Variants in BRD3 observed in about 807,000 individuals in gnomAD.
The protein encoded by BRD3 is bromodomain-containing protein 3.
In BRD3, 17 loss-of-function variants were observed where a neutral mutation model predicts 66.8. That is an observed-to-expected ratio of 0.25 (90% CI 0.17 to 0.38). The LOEUF is 0.38. BRD3 is among the 10% of genes least tolerant of loss of function. BRD3 has a pLI of 1.00. For missense variants in BRD3, 713 were observed against 956.1 expected, an observed-to-expected ratio of 0.75 and a Z score of 3.35; for synonymous variants, 421 against 393.2, an observed-to-expected ratio of 1.07 and a Z score of -0.84.
At chr9:134,066,794 A>T (rs1186134499) in intron 1 of BRD3, among the ~76,000 whole-genome samples, 2 of 152,212 alleles carry the variant, frequency 1.3e-5, no homozygotes, top group Admixed American at 6.5e-5. Context: ...GTTTAATGTA[A>T]GGGGGAGAAA....
chr9:134,050,731 T>G, intron 4 of BRD3, 143 bp from the exon 5 acceptor site: 2 of 672,986 alleles, frequency 3.0e-6, no homozygotes, highest in Non-Finnish European at 5.0e-6. Context: ...CATGCTGAGA[T>G]GCCCCCCATC....
In BRD3 at chr9:134,045,276, G is replaced by A. The variant is rs1320982867; in HGVS notation, c.1215+17C>T. The A allele has an allele frequency of 6.2e-7, 1 of 1,612,996 alleles. No individual in the cohort carries two copies. The highest frequency in any genetic ancestry group is 8.5e-7 in the Non-Finnish European group (1 of 1,179,858). On this transcript the variant is annotated intron_variant, in intron 7 of 11. Coordinates refer to ENST00000303407, the MANE Select transcript of BRD3 (RefSeq NM_007371.4). The surrounding 1 kb of genome is among the most constrained non-coding windows in gnomAD (Gnocchi z 4.8). The stretch of plus-strand genomic sequence containing the variant: ...CACTGAGCTGAGCAGCCCCACCCGT[G>A]CCCAGCCTCGGGTTACCTGGAGCTT...
intron 4 of BRD3, among the ~76,000 whole-genome samples, chr9:134,050,807 C>A (rs1349318227): frequency 6.6e-6 from 1 of 152,054 alleles, no homozygotes; most frequent in Non-Finnish European, 1.5e-5. Flanking sequence ...GAAGTGGAGG[C>A]CCCCCACCAC....
At position 134,032,407 on chromosome 9, in the gene BRD3, C is replaced by T. The variant is rs1447529279; in HGVS notation, c.*1183G>A. ...AATTAGAATGTGCTGTAGCTGAAAG[C>T]TGTCTATACCTGTAAGCCTCCAAGT... On this transcript the variant is annotated 3_prime_UTR_variant, in exon 12 of 12. Coordinates refer to ENST00000303407, the MANE Select transcript of BRD3 (RefSeq NM_007371.4). 5.2e-6 allele frequency: 1 copy of T among 192,342 alleles called. No homozygotes were observed. Among genetic ancestry groups the T allele is most frequent in the Admixed American group, 7.1e-5 (1 of 14,114 alleles). The allele number at this position is 192,342 out of a possible 1,614,324, so 11.9% of individuals were successfully genotyped here.
At chr9:134,038,369 T>C (rs755186473) in intron 9 of BRD3, among the ~76,000 whole-genome samples, 3 of 152,194 alleles carry the variant, frequency 2.0e-5, no homozygotes, top group Non-Finnish European at 2.9e-5. Context: ...TTGGCCCAAA[T>C]TTCTGGGATT....
intron 10 of BRD3, among the ~76,000 whole-genome samples, chr9:134,035,664 C>A (rs1001740104): frequency 6.6e-6 from 1 of 152,192 alleles, no homozygotes; most frequent in Non-Finnish European, 1.5e-5. Flanking sequence ...AGGGGAGCCT[C>A]AGGAAGGCAT....
intron 5 of BRD3, among the ~76,000 whole-genome samples, chr9:134,049,579 A>G (rs1252063597): frequency 1.3e-5 from 2 of 152,328 alleles, no homozygotes; most frequent in Non-Finnish European, 2.9e-5. Flanking sequence ...TGCTCCAGAA[A>G]CAGCCCCCAC....
In BRD3 at chr9:134,032,673, A is replaced by C. The variant is rs945683392; in HGVS notation, c.*917T>G. ...GGTTTTTTCTTATTTTCTTTTTTTT[A>C]AAAATGACCAATGATGTTAATAAAT... On this transcript the variant is annotated 3_prime_UTR_variant, in exon 12 of 12. Coordinates refer to ENST00000303407, the MANE Select transcript of BRD3 (RefSeq NM_007371.4). 2 of 225,922 alleles carry C rather than the reference A, an allele frequency of 8.9e-6. No homozygotes were observed. The highest frequency in any genetic ancestry group is 5.7e-5 in the Admixed American group (1 of 17,500). 14.0% of individuals were successfully genotyped at this position (225,922 alleles called of 1,614,324 possible). A position where few individuals can be genotyped will look rare whatever the true frequency, so the allele number is the denominator to read the frequency against.
chr9:134,063,976 G>A (rs747710695), intron 1 of BRD3, among the ~76,000 whole-genome samples: 3 of 152,134 alleles, frequency 2.0e-5, no homozygotes, highest in Non-Finnish European at 4.4e-5. Context: ...GGAGGGGGGC[G>A]GGGGCATGTT....
rs1187826518 is a variant in BRD3 at position 134,031,502 on chromosome 9, G to A, written c.*2088C>T. The A allele has an allele frequency of 1.5e-5, 3 of 198,154 alleles. No homozygotes were observed. Among genetic ancestry groups the A allele is most frequent in the African/African-American group, 2.3e-5 (1 of 42,598 alleles). The allele number at this position is 198,154 out of a possible 1,614,324, so 12.3% of individuals were successfully genotyped here. A position where few individuals can be genotyped will look rare whatever the true frequency, so the allele number is the denominator to read the frequency against. ...CTGTTTAGAAAATACCTTTGAAAACGAGGGTAACTTTAAAAAATGGAAACT... is the reference window on the plus strand; with the variant it reads ...CTGTTTAGAAAATACCTTTGAAAACAAGGGTAACTTTAAAAAATGGAAACT... On this transcript the variant is annotated 3_prime_UTR_variant, in exon 12 of 12. Coordinates refer to ENST00000303407, the MANE Select transcript of BRD3 (RefSeq NM_007371.4).
rs927632879 is a variant in BRD3 at position 134,051,585 on chromosome 9, G to A, written c.476C>T (p.Pro159Leu). The A allele has an allele frequency of 1.3e-5, 20 of 1,559,882 alleles. No homozygotes were observed. The highest frequency in any genetic ancestry group is 9.6e-5 in the East Asian group (4 of 41,672). ...PPAPKGKGRK[P>L]AAGAQSAGTQ... ...ACCTGCGCTCTGGGCTCCCGCAGCC[G>A]GCTTCCGACCTTTGCCCTTTGGAGC... Residue 159 changes from proline (P) to leucine (L), a missense_variant, in exon 4 of 12, where the codon CCG becomes CTG. Pro to Leu is a moderately conservative substitution (Grantham distance 98). This residue lies in a region of BRD3 where 120 missense variants were observed against 122.8 expected (regional missense o/e 0.98). Coordinates refer to ENST00000303407, the MANE Select transcript of BRD3 (RefSeq NM_007371.4).
In BRD3 at chr9:134,033,200, C is replaced by T. The variant is rs184430591; in HGVS notation, c.*390G>A. On this transcript the variant is annotated 3_prime_UTR_variant, in exon 12 of 12. Transcript: ENST00000303407. This position sits in a 1 kb window ranked among gnomAD's most constrained non-coding sequence, Gnocchi z 5.1. ...GCTAACAGCTTTCAAATACAGTACC[C>T]ATATCCGAGACATTTCCTTGGAAAA... 4.9e-6 allele frequency: 2 copies of T among 407,230 alleles called. No individual in the cohort carries two copies. Among genetic ancestry groups the T allele is most frequent in the African/African-American group, 2.0e-5 (1 of 48,876 alleles). 25.2% of individuals were successfully genotyped at this position (407,230 alleles called of 1,614,324 possible).
Position 134,048,143 on chromosome 9 carries a change from G to A in BRD3, c.1026C>T (p.Ala342=). 5 of 1,608,492 alleles carry A rather than the reference G, an allele frequency of 3.1e-6. No homozygotes were observed. Among genetic ancestry groups the A allele is most frequent in the Non-Finnish European group, 4.2e-6 (5 of 1,177,712 alleles). Residue 342 remains alanine, a synonymous_variant, in exon 6 of 12, where the codon GCC becomes GCT. Coordinates refer to ENST00000303407, the MANE Select transcript of BRD3 (RefSeq NM_007371.4). Reference sequence around the variant, plus strand: ...TGTCGTGGTAGTCGTGCAGCTCCAGGGCCTCGGCATCCACTGGCTTGTAGA... The same window carrying A: ...TGTCGTGGTAGTCGTGCAGCTCCAGAGCCTCGGCATCCACTGGCTTGTAGA... ...WPFYKPVDAE[A]LELHDYHDII... is the part of the protein sequence containing the mutation.
intron 7 of BRD3, among the ~76,000 whole-genome samples, chr9:134,043,757 C>A (rs1185232462): frequency 6.6e-6 from 1 of 152,220 alleles, no homozygotes; most frequent in Admixed American, 6.5e-5. Flanking sequence ...GCTGTGCAAC[C>A]ACAGCTCACT....
At chr9:134,048,001 C>G (rs460888) in intron 6 of BRD3, 82 bp downstream of exon 6, 407,134 of 1,439,894 alleles carry the variant, frequency 0.28, 63,110 homozygotes, top group East Asian at 0.58. Context: ...CGACAGCCCC[C>G]ACTCAGCCGG....
rs535916755 is a variant in BRD3, at chr9:134,038,460, C to CT, written c.1643+1573dup. Reference sequence around the variant, plus strand: ...CTCAAATATTATATCCCAACCAACACTTTTTTTTGTAAAGAGATTGAGACC... The same window carrying CT: ...CTCAAATATTATATCCCAACCAACACTTTTTTTTTGTAAAGAGATTGAGACC... On this transcript the variant is annotated intron_variant, in intron 9 of 11. Transcript: ENST00000303407. 7.8e-4 allele frequency among the ~76,000 whole-genome samples: 118 copies of CT among 152,126 alleles called. 1 individual carries two copies. The South Asian group carries it at 0.012, about 15-fold the overall frequency.
rs753189876 is a variant in BRD3 at position 134,033,744 on chromosome 9, G to A, written c.2066-39C>T. Reference sequence around the variant, plus strand: ...GGCAGGGAGATGCGCTCGCACACCCGCTTCTTGACCCGCTTGGCGGCATGT... The same window carrying A: ...GGCAGGGAGATGCGCTCGCACACCCACTTCTTGACCCGCTTGGCGGCATGT... On this transcript the variant is annotated intron_variant, in intron 11 of 11. Coordinates refer to ENST00000303407, the MANE Select transcript of BRD3 (RefSeq NM_007371.4). The surrounding 1 kb of genome is among the most constrained non-coding windows in gnomAD (Gnocchi z 5.1). 20 of 692,518 alleles carry A rather than the reference G, an allele frequency of 2.9e-5. No individual in the cohort carries two copies. Among genetic ancestry groups the A allele is most frequent in the African/African-American group, 5.2e-5 (3 of 57,244 alleles). 42.9% of individuals were successfully genotyped at this position (692,518 alleles called of 1,614,324 possible).
chr9:134,051,870 TGTG>T lies in BRD3; in HGVS notation c.352-164_352-162del, dbSNP rs1284837240. On this transcript the variant is annotated intron_variant, in intron 3 of 11. Transcript: ENST00000303407. ...ATATGTGTGTGTGTGTGTGTGTGTG[TGTG>T]TGTGTTGTTTTTTTTGTTTTTTTTT... Among the ~76,000 whole-genome samples, 200 of 109,108 alleles carry T rather than the reference TGTG, an allele frequency of 1.8e-3. 5 individuals are homozygous for T. Among genetic ancestry groups the T allele is most frequent in the African/African-American group, 8.8e-3 (190 of 21,552 alleles). The allele number at this position is 109,108 out of a possible 152,430, so 71.6% of individuals were successfully genotyped here. A position where few individuals can be genotyped will look rare whatever the true frequency, so the allele number is the denominator to read the frequency against.
At chr9:134,051,881 T>TGTGTGTG (rs1564555879) in intron 3 of BRD3, among the ~76,000 whole-genome samples, 172 bp from the exon 4 acceptor site, 9 of 51,788 alleles carry the variant, frequency 1.7e-4, no homozygotes, top group African/African-American at 8.8e-4. Flanking sequence ...GTGTGTGTTG[T>TGTGTGTG]TTTTTTTGTT....
Sources: gnomAD v4.1 joint callset for allele counts (sites outside exome capture counted in the v4.1 genomes callset) on GRCh38, gnomAD v4.1.1 for gene constraint, gnomAD v4.1.1 regional missense constraint, Gnocchi (gnomAD v3.1) non-coding constraint, MANE v1.5 for transcripts, NCBI Gene and HGNC (gene_info 2026-07-23, HGNC 2026-07-21) for gene names.